Variants in SRI observed in about 807,000 individuals in gnomAD.
SRI encodes the protein sorcin.
A neutral mutation model predicts 33.3 loss-of-function variants in SRI; 30 were observed. That is an observed-to-expected ratio of 0.90 (90% CI 0.67 to 1.22). The LOEUF is 1.22. Ranked by LOEUF, SRI falls within the 50% of genes most tolerant of loss-of-function variation. SRI has a pLI of 0.00. For missense variants in SRI, 243 were observed against 250.8 expected (o/e 0.97, Z 0.21); for synonymous variants, 75 against 89.9 (o/e 0.83, Z 0.94).
At chr7:88,210,235 A>C (rs749216442) in intron 4 of SRI, 105 bp from the exon 5 acceptor site, 6 of 1,267,168 alleles carry the variant, frequency 4.7e-6, no homozygotes, top group Non-Finnish European at 5.7e-6. Flanking sequence ...TAAAAAAGTT[A>C]TTGTAGATTA....
upstream of SRI, chr7:88,220,169 T>C (rs950459104): frequency 9.8e-6 from 13 of 1,319,954 alleles, no homozygotes; most frequent in Non-Finnish European, 1.2e-5. Flanking sequence ...CTCCAGCTCT[T>C]GCCTGTGCGC....
rs1318439836 is a variant in SRI at position 88,209,329 on chromosome 7, T to C, written c.511+10A>G. 1.9e-6 allele frequency: 3 copies of C among 1,609,148 alleles called. No homozygotes were observed. The highest frequency in any genetic ancestry group is 1.7e-6 in the Non-Finnish European group (2 of 1,175,526). ...GGCTTGTGGTGATGACACGACCTTATAGAACTCACCTGTAAGAGCCCTCAG... is the reference window on the plus strand; with the variant it reads ...GGCTTGTGGTGATGACACGACCTTACAGAACTCACCTGTAAGAGCCCTCAG... On this transcript the variant is annotated intron_variant, in intron 6 of 7. Coordinates refer to ENST00000265729, the MANE Select transcript of SRI (RefSeq NM_003130.4).
At chr7:88,215,713 C>G (rs1389305874) in intron 3 of SRI, among the ~76,000 whole-genome samples, 1 of 151,980 alleles carries the variant, frequency 6.6e-6, no homozygotes, top group Non-Finnish European at 1.5e-5. Context: ...AGACAGCCAT[C>G]TAATACATGC....
rs754279084 is a variant in SRI at position 88,209,381 on chromosome 7, C to T, written c.469G>A (p.Asp157Asn). Residue 157 changes from aspartate (D) to asparagine (N), a missense_variant, in exon 6 of 8, where the codon GAC becomes AAC. Coordinates refer to ENST00000265729, the MANE Select transcript of SRI (RefSeq NM_003130.4). ...TTGACGCAGCAGGCGATGTAGTCGT[C>T]GAAGGTGATCTTTCCATTGGTGCTG... is the stretch of plus-strand genomic sequence containing the variant. Reference protein sequence around the residue: ...RYSTNGKITFDDYIACCVKLR... With the variant: ...RYSTNGKITFNDYIACCVKLR... The T allele has an allele frequency of 9.9e-6, 16 of 1,613,874 alleles. No homozygotes were observed. Among genetic ancestry groups the T allele is most frequent in the African/African-American group, 4.0e-5 (3 of 74,898 alleles).
chr7:88,210,495 T>C (rs1016768727), intron 4 of SRI: 2 of 388,662 alleles, frequency 5.1e-6, no homozygotes, highest in African/African-American at 2.1e-5. Flanking sequence ...TATTCCCTTG[T>C]TTAGTGCCCC....
chr7:88,215,408 G>A (rs889286885), intron 3 of SRI, among the ~76,000 whole-genome samples: 11 of 152,224 alleles, frequency 7.2e-5, no homozygotes, highest in African/African-American at 2.7e-4. Context: ...CTGAAAGGAT[G>A]TAGAATAACA....
At chr7:88,226,916 T>C (rs1338176010) in exon 1 of SRI, 2 of 1,613,616 alleles carry the variant, frequency 1.2e-6, no homozygotes, top group Non-Finnish European at 1.7e-6. Context: ...TGCCTGCATC[T>C]TGAGTTGAAG....
chr7:88,224,708 A>C (rs1851960053), upstream of SRI, among the ~76,000 whole-genome samples: 1 of 152,188 alleles, frequency 6.6e-6, no homozygotes. Flanking sequence ...TCATGCTATT[A>C]TGTAATTTTT....
chr7:88,205,439 A>G lies in SRI; in HGVS notation c.*1039T>C, dbSNP rs1851419967. On this transcript the variant is annotated 3_prime_UTR_variant, in exon 8 of 8. Coordinates refer to ENST00000265729, the MANE Select transcript of SRI (RefSeq NM_003130.4). ...TCTATAATGACCAAACCACATAGTA[A>G]GAGGCACAAGCCAGCATTAGAATTC... 6.6e-6 allele frequency: 1 copy of G among 152,240 alleles called. No individual in the cohort carries two copies. The highest frequency in any genetic ancestry group is 2.4e-5 in the African/African-American group (1 of 41,462). The allele number at this position is 152,240 out of a possible 1,614,324, so 9.4% of individuals were successfully genotyped here. A position where few individuals can be genotyped will look rare whatever the true frequency, so the allele number is the denominator to read the frequency against.
At position 88,210,943 on chromosome 7, in the gene SRI, G is replaced by A; in HGVS notation, c.206-18C>T. ...GTTAAAAGCTGTTAAATCAAGAAAAGTACATACATATTAACACAAATCCAA... is the reference window on the plus strand; with the variant it reads ...GTTAAAAGCTGTTAAATCAAGAAAAATACATACATATTAACACAAATCCAA... On this transcript the variant is annotated intron_variant, in intron 3 of 7. Coordinates refer to ENST00000265729, the MANE Select transcript of SRI (RefSeq NM_003130.4). The A allele has an allele frequency of 6.2e-7, 1 of 1,610,216 alleles. No homozygotes were observed. Among genetic ancestry groups the A allele is most frequent in the Non-Finnish European group, 8.5e-7 (1 of 1,176,966 alleles).
rs1292504655 is a variant in SRI, at chr7:88,210,291, T to C, written c.250-161A>G. The C allele has an allele frequency of 6.8e-6, 6 of 883,946 alleles. No homozygotes were observed. In the East Asian group the frequency reaches 1.6e-4, roughly 24 times the overall value. The allele number at this position is 883,946 out of a possible 1,614,324, so 54.8% of individuals were successfully genotyped here. A position where few individuals can be genotyped will look rare whatever the true frequency, so the allele number is the denominator to read the frequency against. On this transcript the variant is annotated intron_variant, in intron 4 of 7. Transcript: ENST00000265729. ...TAATGATTTAAAAATAGAAAGGGGC[T>C]ATGGAGAAAAAGCTCAAGTGCCAAT...
chr7:88,219,870 G>C (rs1219040114), intron 1 of SRI, 106 bp downstream of exon 1: 14 of 1,385,720 alleles, frequency 1.0e-5, no homozygotes, highest in Admixed American at 2.2e-5. Context: ...AAGGAGCCCG[G>C]GTAGCCGCCC....
chr7:88,217,091 A>G (rs755776874), intron 3 of SRI, 31 bp downstream of exon 3: 4 of 1,600,690 alleles, frequency 2.5e-6, no homozygotes, highest in Non-Finnish European at 3.4e-6. Flanking sequence ...ACAAGAGTAT[A>G]TTTAGACAAA....
intron 7 of SRI, 152 bp from the exon 8 acceptor site, chr7:88,206,656 T>C: frequency 1.3e-6 from 1 of 797,178 alleles, no homozygotes; most frequent in South Asian, 1.8e-5. Flanking sequence ...GATGGAAAAG[T>C]TTCCTTTTTT....
chr7:88,217,121 C>G lies in SRI; in HGVS notation c.205+1G>C, dbSNP rs556018480. ...GACAAACTTTGGGACTGTCAACTTA[C>G]GTTTGTATCCTCCAGCAATGCCAGA... On this transcript the variant is annotated splice_donor_variant, in intron 3 of 7. Coordinates refer to ENST00000265729, the MANE Select transcript of SRI (RefSeq NM_003130.4). LOFTEE classifies it high-confidence loss of function. 1.5e-5 allele frequency: 24 copies of G among 1,613,442 alleles called. No homozygotes were observed. In the East Asian group the frequency reaches 3.1e-4, roughly 21 times the overall value.
Position 88,208,291 on chromosome 7 carries a change from C to T in SRI, c.570+216G>A. 3 of 1,264,248 alleles carry T rather than the reference C, an allele frequency of 2.4e-6. No homozygotes were observed. The South Asian group carries it at 7.3e-5, about 31-fold the overall frequency. The allele number at this position is 1,264,248 out of a possible 1,614,324, so 78.3% of individuals were successfully genotyped here. The stretch of plus-strand genomic sequence containing the variant: ...AAATACAACAAGCTGGGTCTTGAAC[C>T]CAGGTCTCTGAATGCAAATCAAATC... On this transcript the variant is annotated intron_variant, in intron 7 of 7. Coordinates refer to ENST00000265729, the MANE Select transcript of SRI (RefSeq NM_003130.4).
chr7:88,225,371 C>T (rs2115836158), intron 1 of SRI, among the ~76,000 whole-genome samples: 1 of 152,184 alleles, frequency 6.6e-6, no homozygotes, highest in South Asian at 2.1e-4. Flanking sequence ...ACTTTCTTAT[C>T]ATTAGGGCTG....
chr7:88,219,665 G>A (rs1489131723), intron 1 of SRI, among the ~76,000 whole-genome samples: 1 of 147,958 alleles, frequency 6.8e-6, no homozygotes, highest in Admixed American at 6.7e-5. Flanking sequence ...GGTGGGGTGG[G>A]GGTCAGCCAA....
intron 1 of SRI, chr7:88,226,841 G>C (rs1371131320): frequency 1.3e-6 from 2 of 1,523,426 alleles, no homozygotes; most frequent in East Asian, 4.5e-5. Flanking sequence ...TCTTATTCCT[G>C]ATTAGTAGAA....
Sources: allele counts gnomAD v4.1 joint callset (sites outside exome capture counted in the v4.1 genomes callset), GRCh38; gene constraint gnomAD v4.1.1; transcripts MANE v1.5; gene names NCBI Gene and HGNC (gene_info 2026-07-23, HGNC 2026-07-21).